Variants in CLPTM1 observed in about 807,000 individuals in gnomAD.
The protein encoded by CLPTM1 is putative lipid scramblase CLPTM1.
In CLPTM1, 21 loss-of-function variants were observed where a neutral mutation model predicts 77.3. The ratio of observed to expected loss-of-function variants is 0.27; its 90% CI spans 0.19 to 0.39. The LOEUF (loss-of-function observed/expected upper bound fraction) is 0.39. CLPTM1 is among the 10% of genes least tolerant of loss of function. The pLI, the probability that CLPTM1 is intolerant of heterozygous loss-of-function variation, is 1.00. For missense variants in CLPTM1, 642 were observed against 921.2 expected (o/e 0.70, Z 3.92); for synonymous variants, 373 against 381.0 (o/e 0.98, Z 0.24).
chr19:44,986,380 A>C, intron 6 of CLPTM1, 75 bp from the exon 7 acceptor site: 2 of 1,525,986 alleles, frequency 1.3e-6, no homozygotes, highest in Non-Finnish European at 1.8e-6. Context: ...AACCCTGGGG[A>C]GGAAGTGTAC....
chr19:44,955,364 T>TG, upstream of CLPTM1: 4 of 454,552 alleles, frequency 8.8e-6, no homozygotes, highest in South Asian at 8.2e-5. Context: ...GGGGCGGGGC[T>TG]GGCGGCGGGG....
intron 4 of CLPTM1, among the ~76,000 whole-genome samples, chr19:44,977,005 G>A (rs1970815020): frequency 6.6e-6 from 1 of 152,160 alleles, no homozygotes; most frequent in South Asian, 2.1e-4. Flanking sequence ...AGCTTAACGA[G>A]AGCTCGTTGA....
In CLPTM1 at chr19:44,990,427, G is replaced by A. The variant is rs959494770; in HGVS notation, c.1165G>A (p.Glu389Lys). The A allele has an allele frequency of 6.2e-7, 1 of 1,613,928 alleles. No individual in the cohort carries two copies. The highest frequency in any genetic ancestry group is 8.5e-7 in the Non-Finnish European group (1 of 1,179,964). ...IQFWNSRQSL[E>K]GLSVRSVFFG... ...GTTCTGGAACAGCCGGCAGTCCCTGGAGGGCCTGTCCGTGCGCTCCGTCTT... is the reference window on the plus strand; with the variant it reads ...GTTCTGGAACAGCCGGCAGTCCCTGAAGGGCCTGTCCGTGCGCTCCGTCTT... Residue 389 changes from glutamate to lysine, a missense_variant, in exon 10 of 14, where the codon GAG becomes AAG. Around this residue, in one of 2 missense-constraint regions of CLPTM1, gnomAD observed 521 missense variants for 800.4 expected, o/e 0.65. Transcript: ENST00000337392. This position sits in a 1 kb window ranked among gnomAD's most constrained non-coding sequence, Gnocchi z 4.8.
chr19:44,970,571 A>G (rs1328906184), intron 2 of CLPTM1, among the ~76,000 whole-genome samples: 1 of 144,624 alleles, frequency 6.9e-6, no homozygotes, highest in East Asian at 2.0e-4. Flanking sequence ...TGCCTGGCTA[A>G]TTTTTGTATT....
intron 2 of CLPTM1, among the ~76,000 whole-genome samples, chr19:44,963,944 T>TA (rs1970585922): frequency 6.6e-6 from 1 of 151,726 alleles, no homozygotes; most frequent in South Asian, 2.1e-4. Flanking sequence ...TTTTTTTTTT[T>TA]TTTATTAGAG....
At chr19:44,978,915 T>C (rs896676655) in intron 5 of CLPTM1, among the ~76,000 whole-genome samples, 1 of 151,604 alleles carries the variant, frequency 6.6e-6, no homozygotes, top group African/African-American at 2.4e-5. Flanking sequence ...ATTCAAACCA[T>C]AGCATTGTCC....
In CLPTM1 at chr19:44,993,058, G is replaced by A. The variant is rs1301102407; in HGVS notation, c.*161G>A. 25 of 894,184 alleles carry A rather than the reference G, an allele frequency of 2.8e-5. No individual in the cohort carries two copies. Among genetic ancestry groups the A allele is most frequent in the Non-Finnish European group, 4.0e-5 (22 of 555,148 alleles). The allele number at this position is 894,184 out of a possible 1,614,324, so 55.4% of individuals were successfully genotyped here. On this transcript the variant is annotated 3_prime_UTR_variant, in exon 14 of 14. Coordinates refer to ENST00000337392, the MANE Select transcript of CLPTM1 (RefSeq NM_001294.4). Reference sequence around the variant, plus strand: ...CCCAGCGTGTGATGTAGGGGCCGGGGCAGGCCAGGGTTTGTTTGTGGAGGC... The same window carrying A: ...CCCAGCGTGTGATGTAGGGGCCGGGACAGGCCAGGGTTTGTTTGTGGAGGC...
At chr19:44,962,985 A>G (rs111378568) in intron 2 of CLPTM1, among the ~76,000 whole-genome samples, 3,344 of 151,612 alleles carry the variant, frequency 0.022, 122 homozygotes, top group African/African-American at 0.075. Context: ...AGATCGCGCT[A>G]CTGCACTCCA....
Position 44,990,912 on chromosome 19 carries a change from G to A in CLPTM1, c.1386G>A (p.Thr462=), listed in dbSNP as rs776723680. The stretch of plus-strand genomic sequence containing the variant: ...GCCTATCCTTCAAGGACAAGTCCAC[G>A]TATATCGAGTCCTCGACCAAAGTGT... ...FPRLSFKDKS[T]YIESSTKVYD... The change falls in exon 11 of 14, where the codon ACG becomes ACA. Residue 462 remains threonine (T), a synonymous_variant. Coordinates refer to ENST00000337392, the MANE Select transcript of CLPTM1 (RefSeq NM_001294.4). The surrounding 1 kb of genome is among the most constrained non-coding windows in gnomAD (Gnocchi z 4.8). 6.8e-5 allele frequency: 110 copies of A among 1,613,788 alleles called. No individual in the cohort carries two copies. The highest frequency in any genetic ancestry group is 8.8e-5 in the Non-Finnish European group (104 of 1,179,864).
intron 4 of CLPTM1, 64 bp downstream of exon 4, chr19:44,974,661 C>T: frequency 6.4e-7 from 1 of 1,553,514 alleles, no homozygotes; most frequent in Non-Finnish European, 8.8e-7. Context: ...ACCTTTTCCT[C>T]CAGTCCGCTC....
At chr19:44,958,273 C>T (rs1211190923) in intron 1 of CLPTM1, among the ~76,000 whole-genome samples, 1 of 150,880 alleles carries the variant, frequency 6.6e-6, no homozygotes, top group Non-Finnish European at 1.5e-5. Context: ...GAGGCTGGAG[C>T]GGGTGAGGGG....
chr19:44,988,279 GTCTCTCAGCCCCACTCTCCA>G, intron 9 of CLPTM1, 106 bp downstream of exon 9: 2 of 847,504 alleles, frequency 2.4e-6, no homozygotes, highest in Non-Finnish European at 4.0e-6. Flanking sequence ...CCTGCCTGGG[GTCTCTCAGCCCCACTCTCCA>G]GAGGCCTAGT....
chr19:44,961,171 C>T (rs1267026502), intron 1 of CLPTM1, among the ~76,000 whole-genome samples: 5 of 152,204 alleles, frequency 3.3e-5, no homozygotes, highest in Non-Finnish European at 5.9e-5. Flanking sequence ...CCGGATGGAG[C>T]TGGTCATAGT....
At chr19:44,976,606 G>A (rs193143021) in intron 4 of CLPTM1, among the ~76,000 whole-genome samples, 2,013 of 152,282 alleles carry the variant, frequency 0.013, 34 homozygotes, top group Non-Finnish European at 0.021. Flanking sequence ...AGTGCCCCTG[G>A]ACAACTTGCC....
chr19:44,972,708 A>T (rs952465289), intron 2 of CLPTM1, among the ~76,000 whole-genome samples: 2 of 150,628 alleles, frequency 1.3e-5, no homozygotes, highest in Non-Finnish European at 1.5e-5. Context: ...GGGGTTCCAG[A>T]TTCTTAGTCT....
chr19:44,975,343 G>A (rs1970789421), intron 4 of CLPTM1, among the ~76,000 whole-genome samples: 1 of 152,200 alleles, frequency 6.6e-6, no homozygotes, highest in South Asian at 2.1e-4. Context: ...CATGTCCCCA[G>A]CACTGCCCAA....
chr19:44,982,368 G>T (rs1970911921), intron 5 of CLPTM1, among the ~76,000 whole-genome samples: 1 of 150,898 alleles, frequency 6.6e-6, no homozygotes, highest in African/African-American at 2.4e-5. Flanking sequence ...AAAGGGTCTA[G>T]CGTGTGTTTT....
chr19:44,954,715 AG>A (rs1970429357), upstream of CLPTM1: 1 of 1,217,006 alleles, frequency 8.2e-7, no homozygotes, highest in African/African-American at 1.5e-5. Context: ...TGGACCACTG[AG>A]GGAACGCGCA....
At chr19:44,976,047 G>A (rs1043752351) in intron 4 of CLPTM1, among the ~76,000 whole-genome samples, 1 of 152,086 alleles carries the variant, frequency 6.6e-6, no homozygotes, top group Non-Finnish European at 1.5e-5. Flanking sequence ...TAGAGATGGG[G>A]TCTCAACATG....
Sources: gnomAD v4.1 joint callset for allele counts (sites outside exome capture counted in the v4.1 genomes callset) on GRCh38, gnomAD v4.1.1 for gene constraint, gnomAD v4.1.1 regional missense constraint, Gnocchi (gnomAD v3.1) non-coding constraint, MANE v1.5 for transcripts, NCBI Gene and HGNC (gene_info 2026-07-23, HGNC 2026-07-21) for gene names.